The following NEDD9 variants were observed in gnomAD, a reference collection of about 807,000 sequenced individuals.
NEDD9 encodes the protein neural precursor cell expressed, developmentally down-regulated 9.
A neutral mutation model predicts 76.6 loss-of-function variants in NEDD9; 26 were observed. The ratio of observed to expected loss-of-function variants is 0.34; its 90% CI spans 0.25 to 0.47. The LOEUF is 0.47. Ranked by LOEUF, NEDD9 falls within the 20% of genes least tolerant of loss-of-function variation. The pLI is 1.00. For synonymous variants in NEDD9, 392 were observed against 414.2 expected (o/e 0.95, Z 0.65); for missense variants, 937 against 1,058.5 (o/e 0.89, Z 1.59).
intron 1 of NEDD9, among the ~76,000 whole-genome samples, chr6:11,381,350 C>T (rs16871294): frequency 0.069 from 10,574 of 152,194 alleles, 404 homozygotes; most frequent in Non-Finnish European, 0.071. Flanking sequence ...GATTGGTGGC[C>T]GATCTCTGCA....
chr6:11,222,742 G>A (rs770534625), intron 1 of NEDD9, among the ~76,000 whole-genome samples: 5 of 152,248 alleles, frequency 3.3e-5, no homozygotes, highest in Non-Finnish European at 5.9e-5. Flanking sequence ...ATGAAACTCT[G>A]CGCTTCTTAG....
At chr6:11,323,963 C>G (rs6904814) in intron 2 of NEDD9, among the ~76,000 whole-genome samples, 13,936 of 152,170 alleles carry the variant, frequency 0.092, 1,630 homozygotes, top group African/African-American at 0.27. Context: ...TTGCCTCACT[C>G]CTAGAAGATG....
chr6:11,349,834 C>T (rs1762431666), intron 1 of NEDD9, among the ~76,000 whole-genome samples: 1 of 152,166 alleles, frequency 6.6e-6, no homozygotes, highest in East Asian at 1.9e-4. Context: ...GGTTTAGTAC[C>T]TGGGTCACCA....
Position 11,228,068 on chromosome 6 carries a change from G to A in NEDD9, c.12+4436C>T, listed in dbSNP as rs565839816. ...TTAAAAGTGTCACATCTGTGTGTGG[G>A]AGGCAAGGGGGCGGCAGTAGATAGG... On this transcript the variant is annotated intron_variant, in intron 1 of 6. Transcript: ENST00000379446. Among the ~76,000 whole-genome samples the A allele has an allele frequency of 2.0e-3, 301 of 151,382 alleles. 2 individuals are homozygous for A. Among genetic ancestry groups the A allele is most frequent in the African/African-American group, 6.6e-3 (272 of 41,116 alleles).
In NEDD9 at chr6:11,224,362, G is replaced by A. The variant is rs572733633; in HGVS notation, c.12+8142C>T. On this transcript the variant is annotated intron_variant, in intron 1 of 6. Transcript: ENST00000379446. ...AAGAGAAAGGAGGCTGTCGGGCTGC[G>A]TTCATTTCTGCTATTCCCTTCCTTG... 7.1e-4 allele frequency among the ~76,000 whole-genome samples: 108 copies of A among 152,280 alleles called. 1 individual carries two copies. The highest frequency in any genetic ancestry group is 2.5e-3 in the African/African-American group (105 of 41,562).
chr6:11,279,391 C>T (rs1377786359), intron 3 of NEDD9, among the ~76,000 whole-genome samples: 1 of 152,214 alleles, frequency 6.6e-6, no homozygotes, highest in East Asian at 1.9e-4. Context: ...TAGAGCTCCC[C>T]AGGCCATGGC....
intron 2 of NEDD9, among the ~76,000 whole-genome samples, chr6:11,210,559 A>C (rs1429851101): frequency 6.6e-6 from 1 of 152,222 alleles, no homozygotes; most frequent in East Asian, 1.9e-4. Flanking sequence ...TGCTGGGATT[A>C]TCTCTTAGGG....
chr6:11,277,270 G>A (rs116036342), intron 3 of NEDD9, among the ~76,000 whole-genome samples: 99 of 152,360 alleles, frequency 6.5e-4, no homozygotes, highest in African/African-American at 2.1e-3. Flanking sequence ...TAGGTAGTGA[G>A]ACTATGGTTT....
chr6:11,286,245 C>T (rs1310009082), intron 3 of NEDD9, among the ~76,000 whole-genome samples: 1 of 152,154 alleles, frequency 6.6e-6, no homozygotes, highest in Non-Finnish European at 1.5e-5. Flanking sequence ...AAAAGATGCT[C>T]AACATCATTA....
intron 2 of NEDD9, among the ~76,000 whole-genome samples, chr6:11,317,636 G>A (rs560629961): frequency 1.3e-5 from 2 of 152,264 alleles, no homozygotes; most frequent in South Asian, 4.1e-4. Flanking sequence ...CTGCCGCTGG[G>A]TTGACTTGTG....
At chr6:11,302,217 A>G (rs1206261245) in intron 3 of NEDD9, among the ~76,000 whole-genome samples, 1 of 152,228 alleles carries the variant, frequency 6.6e-6, no homozygotes, top group Non-Finnish European at 1.5e-5. Flanking sequence ...GCAAACTACC[A>G]TCAGAGAATA....
chr6:11,314,189 C>T (rs887872106), intron 2 of NEDD9, among the ~76,000 whole-genome samples: 1 of 152,170 alleles, frequency 6.6e-6, no homozygotes, highest in Non-Finnish European at 1.5e-5. Flanking sequence ...CAAGCAAGCA[C>T]TCTACATAAA....
Position 11,189,957 on chromosome 6 carries a change from G to T in NEDD9, c.1905+7C>A. 1 of 1,513,682 alleles carries T rather than the reference G, an allele frequency of 6.6e-7. No homozygotes were observed. The highest frequency in any genetic ancestry group is 8.8e-7 in the Non-Finnish European group (1 of 1,132,396). 93.8% of individuals were successfully genotyped at this position (1,513,682 alleles called of 1,614,324 possible). Reference sequence around the variant, plus strand: ...GTGTAGGTGTTTTATGAGTTCCGCTGTTTTACCTGTAGGTGGACGTAATCG... The same window carrying T: ...GTGTAGGTGTTTTATGAGTTCCGCTTTTTTACCTGTAGGTGGACGTAATCG... On this transcript the variant is annotated splice_region_variant and intron_variant, in intron 5 of 6. Coordinates refer to ENST00000379446, the MANE Select transcript of NEDD9 (RefSeq NM_006403.4).
intron 1 of NEDD9, 78 bp downstream of exon 1, chr6:11,232,426 G>C (rs567654444): frequency 1.9e-6 from 3 of 1,559,024 alleles, no homozygotes; most frequent in African/African-American, 2.7e-5. Flanking sequence ...CTGACAGTAA[G>C]GAACACGCAT....
chr6:11,323,363 G>T (rs1484368847), intron 2 of NEDD9, among the ~76,000 whole-genome samples: 3 of 152,196 alleles, frequency 2.0e-5, no homozygotes, highest in Non-Finnish European at 2.9e-5. Flanking sequence ...AGAAAAGCAG[G>T]CACTGCAAAG....
At chr6:11,359,836 T>A (rs565071051) in intron 1 of NEDD9, among the ~76,000 whole-genome samples, 1 of 152,344 alleles carries the variant, frequency 6.6e-6, no homozygotes, top group South Asian at 2.1e-4. Context: ...TGGTGTACCA[T>A]TTTGTTGCCA....
Position 11,198,365 on chromosome 6 carries a change from G to C in NEDD9, c.460-4673C>G, listed in dbSNP as rs1758342799. On this transcript the variant is annotated intron_variant, in intron 2 of 6. Transcript: ENST00000379446. This position sits in a 1 kb window ranked among gnomAD's most constrained non-coding sequence, Gnocchi z 4.7. ...CCAACTCCCTCCCTCGGCGAGAACTGAGCTGTCCATTTCCACAGATGCCCT... is the reference window on the plus strand; with the variant it reads ...CCAACTCCCTCCCTCGGCGAGAACTCAGCTGTCCATTTCCACAGATGCCCT... 6.6e-6 allele frequency: 1 copy of C among 152,182 alleles called. No homozygotes were observed. Among genetic ancestry groups the C allele is most frequent in the Admixed American group, 6.5e-5 (1 of 15,274 alleles). The allele number at this position is 152,182 out of a possible 1,614,324, so 9.4% of individuals were successfully genotyped here.
intron 2 of NEDD9, among the ~76,000 whole-genome samples, chr6:11,327,765 G>A (rs1387517416): frequency 6.6e-6 from 1 of 152,246 alleles, no homozygotes; most frequent in Non-Finnish European, 1.5e-5. Flanking sequence ...CTCATGCTAG[G>A]GTGCCTGGAC....
chr6:11,378,389 G>T (rs1748846366), intron 1 of NEDD9, among the ~76,000 whole-genome samples: 1 of 152,156 alleles, frequency 6.6e-6, no homozygotes, highest in African/African-American at 2.4e-5. Flanking sequence ...CCAGCACCAT[G>T]CTTCCTATAC....
Sources: allele counts gnomAD v4.1 joint callset (sites outside exome capture counted in the v4.1 genomes callset), GRCh38; gene constraint gnomAD v4.1.1; non-coding constraint Gnocchi (gnomAD v3.1); transcripts MANE v1.5; gene names NCBI Gene and HGNC (gene_info 2026-07-23, HGNC 2026-07-21).